Variants in CSMD2 observed in about 807,000 individuals in gnomAD.
CSMD2 encodes CUB and sushi domain-containing protein 2.
Under a neutral mutation model 398.5 loss-of-function variants are expected in CSMD2, and 130 were observed. That is an observed-to-expected ratio of 0.33 (90% CI 0.28 to 0.38). CSMD2 has a LOEUF of 0.38. CSMD2 is among the 10% of genes least tolerant of loss of function. CSMD2 has a pLI of 1.00. For synonymous variants in CSMD2, 1,828 were observed against 1,908.5 expected (o/e 0.96, Z 1.10); for missense variants, 3,829 against 4,764.9 (o/e 0.80, Z 5.78).
chr1:34,028,613 G>A (rs763159323), intron 3 of CSMD2, among the ~76,000 whole-genome samples: 8 of 152,156 alleles, frequency 5.3e-5, no homozygotes, highest in Non-Finnish European at 1.0e-4. Flanking sequence ...GAAAAGCCAC[G>A]TTAAAATTCC....
At chr1:33,745,639 C>A (rs1462703371) in intron 13 of CSMD2, among the ~76,000 whole-genome samples, 3 of 152,112 alleles carry the variant, frequency 2.0e-5, no homozygotes, top group Admixed American at 1.3e-4. Context: ...ATTTCTTTTC[C>A]AGTCTGCAGC....
chr1:34,110,718 G>A (rs189992590), intron 1 of CSMD2, among the ~76,000 whole-genome samples: 1 of 152,130 alleles, frequency 6.6e-6, no homozygotes, highest in African/African-American at 2.4e-5. Context: ...ACAAAGAGGC[G>A]AGCAACATAC....
intron 1 of CSMD2, among the ~76,000 whole-genome samples, chr1:34,092,062 A>G (rs1177022351): frequency 6.6e-6 from 1 of 152,238 alleles, no homozygotes; most frequent in Non-Finnish European, 1.5e-5. Flanking sequence ...AAAAATCAGT[A>G]ACATTCCTAT....
intron 2 of CSMD2, among the ~76,000 whole-genome samples, chr1:34,046,897 T>C (rs927708062): frequency 6.6e-6 from 1 of 152,110 alleles, no homozygotes; most frequent in Admixed American, 6.5e-5. Context: ...TCTCATCACC[T>C]TCATTACTAC....
chr1:33,602,439 T>C lies in CSMD2; in HGVS notation c.6640A>G (p.Ile2214Val), dbSNP rs774426338. Residue 2214 changes from isoleucine (I) to valine (V), a missense_variant, in exon 43 of 71, where the codon ATT becomes GTT. Physicochemically the swap from Ile to Val is conservative, Grantham distance 29. Coordinates refer to ENST00000373381, the MANE Select transcript of CSMD2 (RefSeq NM_001281956.2). ...AGGTTGAGGCGGACGCCATGGCCAA[T>C]GGGCACGGTGATCAGCCAGACACAG... ...QDCVWLITVP[I>V]GHGVRLNLSL... The C allele has an allele frequency of 1.2e-6, 2 of 1,613,784 alleles. No homozygotes were observed. Among genetic ancestry groups the C allele is most frequent in the Non-Finnish European group, 1.7e-6 (2 of 1,179,932 alleles).
At chr1:33,763,442 T>A (rs1650091981) in intron 13 of CSMD2, among the ~76,000 whole-genome samples, 1 of 152,192 alleles carries the variant, frequency 6.6e-6, no homozygotes, top group African/African-American at 2.4e-5. Context: ...AAAAGGCCTA[T>A]GAGTGATTCT....
At chr1:34,022,221 TAGTG>T (rs1648991059) in intron 3 of CSMD2, among the ~76,000 whole-genome samples, 2 of 152,196 alleles carry the variant, frequency 1.3e-5, no homozygotes, top group South Asian at 4.1e-4. Context: ...CACATCCACT[TAGTG>T]AGTGTTTATT....
chr1:34,023,613 G>T, intron 3 of CSMD2, among the ~76,000 whole-genome samples: 1 of 152,122 alleles, frequency 6.6e-6, no homozygotes. Flanking sequence ...CAAAGGTTTT[G>T]TCAGGGGAAA....
At chr1:33,916,163 G>A (rs1207694842) in intron 5 of CSMD2, among the ~76,000 whole-genome samples, 2 of 152,090 alleles carry the variant, frequency 1.3e-5, no homozygotes, top group Non-Finnish European at 1.5e-5. Context: ...AACATTTCAT[G>A]ACACAATAAT....
At chr1:34,098,420 AAAATAAATAAAT>A (rs543572326) in intron 1 of CSMD2, among the ~76,000 whole-genome samples, 1 of 150,524 alleles carries the variant, frequency 6.6e-6, no homozygotes, top group Non-Finnish European at 1.5e-5. Flanking sequence ...TAATAATAAA[AAAATAAATAAAT>A]AAATAAATAA....
At chr1:33,801,339 C>A (rs1655582406) in intron 10 of CSMD2, among the ~76,000 whole-genome samples, 1 of 152,196 alleles carries the variant, frequency 6.6e-6, no homozygotes, top group South Asian at 2.1e-4. Flanking sequence ...AAAAGAAAGA[C>A]AGATGTGTGT....
At chr1:34,156,120 A>G (rs1640785200) in intron 1 of CSMD2, among the ~76,000 whole-genome samples, 1 of 152,216 alleles carries the variant, frequency 6.6e-6, no homozygotes, top group Non-Finnish European at 1.5e-5. Flanking sequence ...CAACATTGAG[A>G]TGTCTGTTTT....
Position 34,064,849 on chromosome 1 carries a change from G to A in CSMD2, c.404+24128C>T, listed in dbSNP as rs144564714. On this transcript the variant is annotated intron_variant, in intron 2 of 70. Transcript: ENST00000373381. ...GTTCCACATGGCGGGGGAGGCCTCA[G>A]AGTCATGGCAGGAGGCGAAAGGCAC... Among the ~76,000 whole-genome samples the A allele has an allele frequency of 3.5e-4, 53 of 152,280 alleles. 1 individual carries two copies. The East Asian group carries it at 8.3e-3, about 24-fold the overall frequency.
chr1:33,833,808 G>A (rs1472278443), intron 6 of CSMD2, among the ~76,000 whole-genome samples: 2 of 152,078 alleles, frequency 1.3e-5, no homozygotes, highest in African/African-American at 2.4e-5. Context: ...GCAGTCTCAG[G>A]ATACAAAATC....
At chr1:33,691,597 T>C (rs1259109175) in intron 25 of CSMD2, among the ~76,000 whole-genome samples, 2 of 152,346 alleles carry the variant, frequency 1.3e-5, no homozygotes, top group East Asian at 3.9e-4. Context: ...CTCCTAGCTA[T>C]ACTTCTATTC....
intron 13 of CSMD2, among the ~76,000 whole-genome samples, chr1:33,765,125 T>C (rs963821485): frequency 1.3e-5 from 2 of 152,220 alleles, no homozygotes; most frequent in African/African-American, 4.8e-5. Flanking sequence ...ATTATAAAAA[T>C]GCCTATTTTC....
At chr1:33,689,898 C>T (rs1014211790) in intron 25 of CSMD2, among the ~76,000 whole-genome samples, 2 of 152,102 alleles carry the variant, frequency 1.3e-5, no homozygotes, top group Admixed American at 6.5e-5. Flanking sequence ...GCGGTAGGTA[C>T]GCGGGTACTT....
Position 33,560,353 on chromosome 1 carries a change from C to T in CSMD2, c.8381-880G>A, listed in dbSNP as rs181990455. 3.8e-4 allele frequency among the ~76,000 whole-genome samples: 58 copies of T among 152,322 alleles called. No individual in the cohort carries two copies. The East Asian group carries it at 0.011, about 28-fold the overall frequency. ...AGTCTGTTTTACTATTTTGTTCAGA[C>T]ATGAGCAGGGAAGAGAAAAGGGATG... is the stretch of plus-strand genomic sequence containing the variant. On this transcript the variant is annotated intron_variant, in intron 53 of 70. Transcript: ENST00000373381.
intron 31 of CSMD2, among the ~76,000 whole-genome samples, chr1:33,634,559 G>A (rs1164819409): frequency 5.9e-5 from 9 of 152,164 alleles, no homozygotes; most frequent in Admixed American, 5.2e-4. Context: ...TGGTCACCTG[G>A]TTGCCCTTCA....
Sources: allele counts gnomAD v4.1 joint callset (sites outside exome capture counted in the v4.1 genomes callset), GRCh38; gene constraint gnomAD v4.1.1; transcripts MANE v1.5; gene names NCBI Gene and HGNC (gene_info 2026-07-23, HGNC 2026-07-21).